Variants in EIPR1 observed in about 807,000 individuals in gnomAD.
EIPR1 encodes EARP complex and GARP complex interacting protein 1.
Under a neutral mutation model 48.1 loss-of-function variants are expected in EIPR1, and 25 were observed. The observed-to-expected ratio is 0.52, with a 90% CI of 0.38 to 0.73. EIPR1 has a LOEUF of 0.73. Among genes scored for constraint, EIPR1 ranks in the 30% least tolerant of loss-of-function variants. The probability of loss-of-function intolerance (pLI) is 0.00; values close to 1 mark genes in which losing one functional copy is unlikely to be tolerated. For synonymous variants in EIPR1, 204 were observed against 201.9 expected, an observed-to-expected ratio of 1.01 and a Z score of -0.09; for missense variants, 415 against 506.2, an observed-to-expected ratio of 0.82 and a Z score of 1.73.
chr2:3,336,366 A>G (rs1670041764), intron 3 of EIPR1, among the ~76,000 whole-genome samples: 2 of 152,156 alleles, frequency 1.3e-5, no homozygotes. Context: ...TCGGACCCCC[A>G]ACCTCCCGCT....
At chr2:3,233,113 C>T (rs1403547029) in intron 4 of EIPR1, among the ~76,000 whole-genome samples, 2 of 152,166 alleles carry the variant, frequency 1.3e-5, no homozygotes, top group Non-Finnish European at 2.9e-5. Flanking sequence ...ATGCAGCTTT[C>T]CAGGTCTTTT....
At chr2:3,193,630 T>C (rs536009614) in intron 7 of EIPR1, among the ~76,000 whole-genome samples, 2 of 152,280 alleles carry the variant, frequency 1.3e-5, no homozygotes, top group South Asian at 4.1e-4. Context: ...AGCTGCATCA[T>C]CTCCACTGCA....
At chr2:3,370,668 C>T (rs1273014025) in intron 1 of EIPR1, among the ~76,000 whole-genome samples, 2 of 150,640 alleles carry the variant, frequency 1.3e-5, no homozygotes, top group Non-Finnish European at 1.5e-5. Context: ...TGAAATGAAG[C>T]GAGAAGGGAA....
At chr2:3,256,234 C>T (rs1439604474) in intron 4 of EIPR1, among the ~76,000 whole-genome samples, 3 of 152,346 alleles carry the variant, frequency 2.0e-5, no homozygotes, top group Admixed American at 6.5e-5. Flanking sequence ...AAACCTGAGT[C>T]GGTCCTCAGT....
intron 2 of EIPR1, among the ~76,000 whole-genome samples, chr2:3,351,002 C>G (rs531351603): frequency 1.7e-5 from 2 of 117,402 alleles, no homozygotes; most frequent in Non-Finnish European, 3.7e-5. Context: ...TCATTTTGGG[C>G]GATTTTTTTT....
At chr2:3,314,477 G>A (rs914847310) in intron 3 of EIPR1, among the ~76,000 whole-genome samples, 2 of 152,116 alleles carry the variant, frequency 1.3e-5, no homozygotes, top group African/African-American at 4.8e-5. Context: ...AATTTCACCA[G>A]TATGTTGAGG....
At position 3,189,097 on chromosome 2, in the gene EIPR1, C is replaced by T. The variant is rs983840308; in HGVS notation, c.*237G>A. The T allele has an allele frequency of 4.0e-5, 16 of 397,008 alleles. No homozygotes were observed. The East Asian group carries it at 5.1e-4, about 13-fold the overall frequency. The allele number at this position is 397,008 out of a possible 1,614,324, so 24.6% of individuals were successfully genotyped here. The stretch of plus-strand genomic sequence containing the variant: ...TTAAAACAGAAAACATTGTTATTCA[C>T]ATAATAATGTGGGGCTCTGTCTCTG... On this transcript the variant is annotated 3_prime_UTR_variant, in exon 9 of 9. Transcript: ENST00000382125. This position sits in a 1 kb window ranked among gnomAD's most constrained non-coding sequence, Gnocchi z 4.6.
chr2:3,298,189 G>A (rs986484703), intron 3 of EIPR1, among the ~76,000 whole-genome samples: 1 of 152,098 alleles, frequency 6.6e-6, no homozygotes, highest in African/African-American at 2.4e-5. Context: ...AGATTCGTGC[G>A]GCCCACTCCT....
At chr2:3,326,923 G>A (rs1289534110) in intron 3 of EIPR1, among the ~76,000 whole-genome samples, 1 of 152,246 alleles carries the variant, frequency 6.6e-6, no homozygotes, top group Non-Finnish European at 1.5e-5. Context: ...CTCAAACGGA[G>A]TCATGTTTCA....
At chr2:3,320,848 A>G (rs914895450) in intron 3 of EIPR1, among the ~76,000 whole-genome samples, 2 of 152,370 alleles carry the variant, frequency 1.3e-5, no homozygotes, top group African/African-American at 4.8e-5. Flanking sequence ...AACCCTCTTC[A>G]GCTGACAATT....
At chr2:3,195,057 G>A (rs949780464) in intron 6 of EIPR1, among the ~76,000 whole-genome samples, 6 of 152,222 alleles carry the variant, frequency 3.9e-5, no homozygotes, top group Non-Finnish European at 7.3e-5. Context: ...ACGCACACAC[G>A]CACTCACACA....
intron 3 of EIPR1, among the ~76,000 whole-genome samples, chr2:3,311,455 G>A (rs1669125162): frequency 6.6e-6 from 1 of 152,166 alleles, no homozygotes; most frequent in Non-Finnish European, 1.5e-5. Flanking sequence ...ATAAGGTCAA[G>A]GACTTGCTTT....
At chr2:3,219,118 T>C (rs4854107) in intron 4 of EIPR1, among the ~76,000 whole-genome samples, 132,368 of 143,976 alleles carry the variant, frequency 0.92, 61,038 homozygotes, top group East Asian at 0.98. Flanking sequence ...ACACCCAGCA[T>C]GGCCCTGGTA....
chr2:3,240,121 A>C (rs1445829791), intron 4 of EIPR1, among the ~76,000 whole-genome samples: 1 of 152,146 alleles, frequency 6.6e-6, no homozygotes, highest in Non-Finnish European at 1.5e-5. Context: ...TCCTAAAGCA[A>C]AGCCAGCAGA....
At chr2:3,340,619 A>G (rs1221298231) in intron 2 of EIPR1, among the ~76,000 whole-genome samples, 1 of 152,224 alleles carries the variant, frequency 6.6e-6, no homozygotes, top group Non-Finnish European at 1.5e-5. Flanking sequence ...ATTATTAGTT[A>G]TTAAATGATT....
Position 3,194,048 on chromosome 2 carries a change from T to C in EIPR1, c.772A>G (p.Thr258Ala), listed in dbSNP as rs751839407. ...GDDCKVKFWD[T>A]RNVTEPVKTL... Reference sequence around the variant, plus strand: ...TTCACGGGTTCGGTGACATTTCGGGTGTCCCAGAACTTCACCTTACAGTCG... The same window carrying C: ...TTCACGGGTTCGGTGACATTTCGGGCGTCCCAGAACTTCACCTTACAGTCG... The change falls in exon 7 of 9, where the codon ACC becomes GCC. Residue 258 changes from threonine to alanine, a missense_variant. Thr to Ala is a moderately conservative substitution (Grantham distance 58, BLOSUM62 0). Coordinates refer to ENST00000382125, the MANE Select transcript of EIPR1 (RefSeq NM_003310.5). The C allele has an allele frequency of 6.8e-6, 11 of 1,613,802 alleles. No individual in the cohort carries two copies. In the South Asian group the frequency reaches 1.1e-4, roughly 16 times the overall value.
chr2:3,345,263 A>G (rs956655226), intron 2 of EIPR1, among the ~76,000 whole-genome samples: 2 of 152,134 alleles, frequency 1.3e-5, no homozygotes, highest in African/African-American at 4.8e-5. Flanking sequence ...TAAAAATCAG[A>G]AAGATACAAG....
chr2:3,189,566 G>A lies in EIPR1; in HGVS notation c.990-58C>T, dbSNP rs6726532. ...CAGCTCCGGCGGGGCGGGCAGGAGA[G>A]GGGCAGGGAGGACGCGAGCGCTGAC... On this transcript the variant is annotated intron_variant, in intron 8 of 8. Transcript: ENST00000382125. This position sits in a 1 kb window ranked among gnomAD's most constrained non-coding sequence, Gnocchi z 4.6. 2.0e-4 allele frequency: 293 copies of A among 1,454,910 alleles called. 1 individual carries two copies. The African/African-American group carries it at 3.8e-3, about 19-fold the overall frequency. The allele number at this position is 1,454,910 out of a possible 1,614,324, so 90.1% of individuals were successfully genotyped here.
intron 3 of EIPR1, among the ~76,000 whole-genome samples, chr2:3,320,821 T>A (rs547751117): frequency 6.6e-6 from 1 of 152,366 alleles, no homozygotes; most frequent in Non-Finnish European, 1.5e-5. Flanking sequence ...CTGTCTGGGC[T>A]TATGCCTCCA....
Sources: gnomAD v4.1 joint callset for allele counts (sites outside exome capture counted in the v4.1 genomes callset) on GRCh38, gnomAD v4.1.1 for gene constraint, Gnocchi (gnomAD v3.1) non-coding constraint, MANE v1.5 for transcripts, NCBI Gene and HGNC (gene_info 2026-07-23, HGNC 2026-07-21) for gene names.